The following SH3PXD2A variants were observed in gnomAD, a reference collection of about 807,000 sequenced individuals.
The protein encoded by SH3PXD2A is SH3 and PX domains 2A, also known as SH3 and PX domain-containing protein 2A.
Under a neutral mutation model 115.2 loss-of-function variants are expected in SH3PXD2A, and 32 were observed. The observed-to-expected ratio is 0.28, with a 90% CI of 0.21 to 0.37. SH3PXD2A has a LOEUF of 0.37. Ranked by LOEUF, SH3PXD2A falls within the 10% of genes least tolerant of loss-of-function variation. The probability of loss-of-function intolerance (pLI) is 1.00; values close to 1 mark genes in which losing one functional copy is unlikely to be tolerated. For missense variants in SH3PXD2A, 1,328 were observed against 1,498.7 expected, an observed-to-expected ratio of 0.89 and a Z score of 1.88; for synonymous variants, 610 against 629.1, an observed-to-expected ratio of 0.97 and a Z score of 0.45.
In SH3PXD2A at chr10:103,746,388, C is replaced by T. The variant is rs1481977986; in HGVS notation, c.230-10580G>A. ...AGCCTGGAGTGCAGGGGAGTGATCT[C>T]GGCTCACTGCAATCTCTGCCTCCCG... is the stretch of plus-strand genomic sequence containing the variant. On this transcript the variant is annotated intron_variant, in intron 3 of 14. Coordinates refer to ENST00000369774, the MANE Select transcript of SH3PXD2A (RefSeq NM_001394015.1). This position sits in a 1 kb window ranked among gnomAD's most constrained non-coding sequence, Gnocchi z 4.4. Among the ~76,000 whole-genome samples the T allele has an allele frequency of 2.0e-5, 3 of 152,114 alleles. No individual in the cohort carries two copies. Among genetic ancestry groups the T allele is most frequent in the South Asian group, 2.1e-4 (1 of 4,812 alleles).
chr10:103,687,088 G>A (rs1351058866), intron 6 of SH3PXD2A, among the ~76,000 whole-genome samples: 4 of 152,124 alleles, frequency 2.6e-5, no homozygotes, highest in South Asian at 2.1e-4. Context: ...ATGACCGGAT[G>A]ACTTTAAGTA....
intron 8 of SH3PXD2A, among the ~76,000 whole-genome samples, chr10:103,640,089 C>T (rs1178907706): frequency 4.6e-5 from 7 of 152,084 alleles, no homozygotes; most frequent in African/African-American, 9.7e-5. Context: ...CCGAGGCGGG[C>T]GGATCACCTG....
intron 2 of SH3PXD2A, among the ~76,000 whole-genome samples, chr10:103,789,552 CACACAA>C (rs1354887336): frequency 2.6e-5 from 4 of 151,692 alleles, no homozygotes; most frequent in African/African-American, 4.8e-5. Flanking sequence ...CACACACACA[CACACAA>C]CACTCACCTG....
chr10:103,610,991 C>T (rs1471631085), intron 13 of SH3PXD2A, among the ~76,000 whole-genome samples: 1 of 152,246 alleles, frequency 6.6e-6, no homozygotes, highest in East Asian at 1.9e-4. Flanking sequence ...ATCGCAGGCA[C>T]CCCAAGCCCT....
rs185119472 is a variant in SH3PXD2A, at chr10:103,822,183, G to A, written c.73-20821C>T. On this transcript the variant is annotated intron_variant, in intron 1 of 14. Coordinates refer to ENST00000369774, the MANE Select transcript of SH3PXD2A (RefSeq NM_001394015.1). ...CGAGATTACAGGCATGAGCCACTGC[G>A]CCTGGCCTTATTTCATCCTTCTCAT... Among the ~76,000 whole-genome samples the A allele has an allele frequency of 6.5e-4, 99 of 152,334 alleles. 1 individual carries two copies. Among genetic ancestry groups the A allele is most frequent in the South Asian group, 5.8e-3 (28 of 4,816 alleles).
At chr10:103,679,138 C>T (rs1193397748) in intron 6 of SH3PXD2A, among the ~76,000 whole-genome samples, 1 of 152,234 alleles carries the variant, frequency 6.6e-6, no homozygotes, top group African/African-American at 2.4e-5. Flanking sequence ...GTGTGCCTTG[C>T]TCAGAGACCC....
At position 103,855,184 on chromosome 10, in the gene SH3PXD2A, G is replaced by T. The variant is rs1233050439; in HGVS notation, c.72+11C>A. The stretch of plus-strand genomic sequence containing the variant: ...GCCACCCCCAGCAGGGTCGGCGGGG[G>T]CTGTACTCACGTAGTGCTTGGAGGG... On this transcript the variant is annotated intron_variant, in intron 1 of 14. Coordinates refer to ENST00000369774, the MANE Select transcript of SH3PXD2A (RefSeq NM_001394015.1). The T allele has an allele frequency of 2.6e-6, 4 of 1,527,892 alleles. No individual in the cohort carries two copies. Among genetic ancestry groups the T allele is most frequent in the South Asian group, 2.5e-5 (2 of 81,554 alleles). 94.6% of individuals were successfully genotyped at this position (1,527,892 alleles called of 1,614,324 possible). A position where few individuals can be genotyped will look rare whatever the true frequency, so the allele number is the denominator to read the frequency against.
chr10:103,616,769 C>G (rs1041566530), intron 11 of SH3PXD2A, among the ~76,000 whole-genome samples: 5 of 151,298 alleles, frequency 3.3e-5, no homozygotes, highest in Non-Finnish European at 5.9e-5. Flanking sequence ...GAGTACTGAG[C>G]CTGGGCAGCA....
chr10:103,771,049 T>C (rs1215821414), intron 2 of SH3PXD2A, among the ~76,000 whole-genome samples: 2 of 152,220 alleles, frequency 1.3e-5, no homozygotes, highest in African/African-American at 2.4e-5. Flanking sequence ...AGGTTTCTGA[T>C]GAAGAGGTAC....
intron 8 of SH3PXD2A, among the ~76,000 whole-genome samples, chr10:103,638,045 C>T (rs1245340143): frequency 1.3e-5 from 2 of 152,190 alleles, no homozygotes; most frequent in Non-Finnish European, 2.9e-5. Flanking sequence ...CTTGCCAAGA[C>T]ACGCGCCTCC....
At chr10:103,729,659 C>T (rs1455586617) in intron 4 of SH3PXD2A, among the ~76,000 whole-genome samples, 1 of 152,200 alleles carries the variant, frequency 6.6e-6, no homozygotes, top group Non-Finnish European at 1.5e-5. Flanking sequence ...TCCAACCCTG[C>T]CATTCTGTAA....
chr10:103,651,730 T>C (rs2037126772), intron 8 of SH3PXD2A, among the ~76,000 whole-genome samples: 1 of 152,188 alleles, frequency 6.6e-6, no homozygotes, highest in South Asian at 2.1e-4. Flanking sequence ...AATACTGTGA[T>C]TCAGAAAGAG....
intron 1 of SH3PXD2A, among the ~76,000 whole-genome samples, chr10:103,821,115 A>G (rs992454135): frequency 4.6e-5 from 7 of 151,654 alleles, no homozygotes; most frequent in African/African-American, 1.7e-4. Context: ...TGGCCCACAG[A>G]AAACATTTAA....
At chr10:103,739,349 G>C (rs913374588) in intron 3 of SH3PXD2A, among the ~76,000 whole-genome samples, 2 of 152,228 alleles carry the variant, frequency 1.3e-5, no homozygotes, top group African/African-American at 4.8e-5. Context: ...CCAATTCCCA[G>C]CTGAGTTTTT....
In SH3PXD2A at chr10:103,603,535, A is replaced by G. The variant is rs370819486; in HGVS notation, c.1683T>C (p.Pro561=). ...CAGGCTCTGAGTCAAAGCCGAATGC[A>G]GGGATGTCATACTCAGGCTCCTCAT... ...LKYEEPEYDI[P]AFGFDSEPEL... The change falls in exon 15 of 15, where the codon CCT becomes CCC. Residue 561 remains proline, a synonymous_variant. Transcript: ENST00000369774. The G allele has an allele frequency of 6.2e-6, 10 of 1,612,820 alleles. No individual in the cohort carries two copies. The highest frequency in any genetic ancestry group is 8.5e-6 in the Non-Finnish European group (10 of 1,179,326).
At chr10:103,831,837 G>A (rs1284288296) in intron 1 of SH3PXD2A, among the ~76,000 whole-genome samples, 3 of 151,954 alleles carry the variant, frequency 2.0e-5, no homozygotes, top group Non-Finnish European at 1.5e-5. Context: ...TCCAGCTCCC[G>A]GAAACAACTA....
intron 8 of SH3PXD2A, among the ~76,000 whole-genome samples, chr10:103,645,792 G>C (rs1294596371): frequency 2.6e-5 from 4 of 152,174 alleles, no homozygotes; most frequent in African/African-American, 9.7e-5. Context: ...GTGCAACTCA[G>C]GGCACTGGAA....
chr10:103,742,015 G>A (rs1049338423), intron 3 of SH3PXD2A, among the ~76,000 whole-genome samples: 2 of 152,166 alleles, frequency 1.3e-5, no homozygotes, highest in Non-Finnish European at 2.9e-5. Context: ...CGGGCATGGT[G>A]GCGCACGCCT....
rs1165687655 is a variant in SH3PXD2A at position 103,595,835 on chromosome 10, T to C, written c.*5981A>G. The C allele has an allele frequency of 6.6e-6, 1 of 152,654 alleles. No homozygotes were observed. Among genetic ancestry groups the C allele is most frequent in the African/African-American group, 2.4e-5 (1 of 41,446 alleles). 9.5% of individuals were successfully genotyped at this position (152,654 alleles called of 1,614,324 possible). ...GGAAGGTAGGGCTCTCCACCCAGTC[T>C]GTAAGCACCAGTGTGCCCACCTTAT... On this transcript the variant is annotated 3_prime_UTR_variant, in exon 15 of 15. Coordinates refer to ENST00000369774, the MANE Select transcript of SH3PXD2A (RefSeq NM_001394015.1).
Sources: allele counts gnomAD v4.1 joint callset (sites outside exome capture counted in the v4.1 genomes callset), GRCh38; gene constraint gnomAD v4.1.1; non-coding constraint Gnocchi (gnomAD v3.1); transcripts MANE v1.5; gene names NCBI Gene and HGNC (gene_info 2026-07-23, HGNC 2026-07-21).